Variants in ERBB4 observed in about 807,000 individuals in gnomAD.
ERBB4 encodes receptor tyrosine-protein kinase erbB-4.
A neutral mutation model predicts 158.0 loss-of-function variants in ERBB4; 42 were observed. The observed-to-expected ratio is 0.27, with a 90% CI of 0.21 to 0.34. ERBB4 has a LOEUF of 0.34. ERBB4 is among the 10% of genes least tolerant of loss of function. The pLI is 1.00. For synonymous variants in ERBB4, 583 were observed against 558.7 expected (o/e 1.04, Z -0.61); for missense variants, 1,333 against 1,624.1 (o/e 0.82, Z 3.08).
At chr2:212,433,518 T>C (rs1429218896) in intron 1 of ERBB4, among the ~76,000 whole-genome samples, 1 of 151,990 alleles carries the variant, frequency 6.6e-6, no homozygotes, top group African/African-American at 2.4e-5. Context: ...CATTTAAAAA[T>C]TGCCAAATTA....
intron 1 of ERBB4, among the ~76,000 whole-genome samples, chr2:212,538,131 T>C (rs1489343722): frequency 6.6e-6 from 1 of 151,570 alleles, no homozygotes; most frequent in Non-Finnish European, 1.5e-5. Flanking sequence ...GGGATTTGGG[T>C]CTCCCATGTC....
chr2:212,310,609 ATGTGTGTGTGTGTGTGTGTG>A (rs56209146), intron 1 of ERBB4, among the ~76,000 whole-genome samples: 1 of 143,390 alleles, frequency 7.0e-6, no homozygotes. Flanking sequence ...ATATATGTAT[ATGTGTGTGTGTGTGTGTGTG>A]TGTGTGTGTG....
intron 1 of ERBB4, among the ~76,000 whole-genome samples, chr2:212,449,309 G>T (rs1445415911): frequency 6.6e-6 from 1 of 152,020 alleles, no homozygotes; most frequent in Non-Finnish European, 1.5e-5. Flanking sequence ...TATTGCCAAC[G>T]ATAAGTATCA....
intron 1 of ERBB4, among the ~76,000 whole-genome samples, chr2:212,429,624 G>A (rs2091983398): frequency 6.6e-6 from 1 of 152,092 alleles, no homozygotes; most frequent in Non-Finnish European, 1.5e-5. Context: ...GTATTTTCAG[G>A]TAGGTCCTAT....
rs2125293837 is a variant in ERBB4, at chr2:211,377,648, A to T, written c.*5967T>A. On this transcript the variant is annotated 3_prime_UTR_variant, in exon 28 of 28. Coordinates refer to ENST00000342788, the MANE Select transcript of ERBB4 (RefSeq NM_005235.3). ...AAGACTCCTCATTTGGGAGAAAAAA[A>T]TTTACAGCAGCTACAAAATATTTAC... 1 of 232,486 alleles carries T rather than the reference A, an allele frequency of 4.3e-6. No homozygotes were observed. Among genetic ancestry groups the T allele is most frequent in the East Asian group, 6.1e-5 (1 of 16,444 alleles). 14.4% of individuals were successfully genotyped at this position (232,486 alleles called of 1,614,324 possible). A position where few individuals can be genotyped will look rare whatever the true frequency, so the allele number is the denominator to read the frequency against.
chr2:211,953,465 C>CAAAAAA (rs36024345), intron 2 of ERBB4, among the ~76,000 whole-genome samples: 65 of 85,210 alleles, frequency 7.6e-4, no homozygotes, highest in Middle Eastern at 6.9e-3. Flanking sequence ...GGTTTTTCTC[C>CAAAAAA]AAAAAAAAAA....
At chr2:211,601,428 T>G (rs1275005707) in intron 19 of ERBB4, among the ~76,000 whole-genome samples, 1 of 151,522 alleles carries the variant, frequency 6.6e-6, no homozygotes, top group African/African-American at 2.4e-5. Context: ...CTGAAAGACA[T>G]AAGTTTCCGG....
rs1040928163 is a variant in ERBB4, at chr2:212,408,619, A to T, written c.82+129830T>A. On this transcript the variant is annotated intron_variant, in intron 1 of 27. Transcript: ENST00000342788. The stretch of plus-strand genomic sequence containing the variant: ...GATCGCACCTGTGAATAGCCACTGC[A>T]CTCTAGCCTGGACGATACAGTGAGA... Among the ~76,000 whole-genome samples the T allele has an allele frequency of 3.3e-5, 5 of 151,986 alleles. No individual in the cohort carries two copies. In the South Asian group the frequency reaches 1.0e-3, roughly 32 times the overall value.
At chr2:212,211,644 G>C (rs935151375) in intron 1 of ERBB4, among the ~76,000 whole-genome samples, 12 of 144,710 alleles carry the variant, frequency 8.3e-5, no homozygotes, top group Admixed American at 1.4e-4. Flanking sequence ...TACATGTATA[G>C]AATGTGCAGG....
intron 20 of ERBB4, among the ~76,000 whole-genome samples, chr2:211,485,605 T>G (rs1233027104): frequency 1.3e-5 from 2 of 151,784 alleles, no homozygotes; most frequent in Admixed American, 1.3e-4. Context: ...CTGTTATACA[T>G]TATCTTATAT....
intron 1 of ERBB4, among the ~76,000 whole-genome samples, chr2:212,373,688 T>C (rs1349577030): frequency 6.8e-6 from 1 of 148,142 alleles, no homozygotes; most frequent in African/African-American, 2.5e-5. Context: ...CCAATGGAGA[T>C]ACATATATAT....
chr2:212,216,820 C>G (rs533668819), intron 1 of ERBB4, among the ~76,000 whole-genome samples: 2 of 151,454 alleles, frequency 1.3e-5, no homozygotes, highest in African/African-American at 4.8e-5. Context: ...ATTCTCAGCT[C>G]TCAACCGTAA....
intron 1 of ERBB4, among the ~76,000 whole-genome samples, chr2:212,256,019 G>GC (rs1233837141): frequency 3.1e-5 from 4 of 128,388 alleles, no homozygotes; most frequent in South Asian, 2.3e-4. Flanking sequence ...TTTACAAATG[G>GC]GGGGGGGTCT....
intron 1 of ERBB4, among the ~76,000 whole-genome samples, chr2:212,337,125 T>C (rs1221482862): frequency 6.6e-6 from 1 of 152,086 alleles, no homozygotes; most frequent in African/African-American, 2.4e-5. Flanking sequence ...TAGATTTGCT[T>C]AGATTTCTAT....
intron 1 of ERBB4, among the ~76,000 whole-genome samples, chr2:212,496,514 C>A (rs577432741): frequency 6.6e-6 from 1 of 152,196 alleles, no homozygotes; most frequent in South Asian, 2.1e-4. Context: ...ATCTGGCAAC[C>A]CAAAATTCTG....
chr2:211,573,273 T>G (rs1482930931), intron 19 of ERBB4, among the ~76,000 whole-genome samples: 1 of 152,168 alleles, frequency 6.6e-6, no homozygotes, highest in African/African-American at 2.4e-5. Flanking sequence ...CTAGAGCTTC[T>G]GGAGGGAATG....
At chr2:212,139,721 G>T (rs1458224087) in intron 1 of ERBB4, among the ~76,000 whole-genome samples, 2 of 151,790 alleles carry the variant, frequency 1.3e-5, no homozygotes. Flanking sequence ...TTTCTAGCAG[G>T]TAAATACAAT....
chr2:211,866,238 G>A (rs1414704725), intron 3 of ERBB4, among the ~76,000 whole-genome samples: 3 of 152,148 alleles, frequency 2.0e-5, no homozygotes, highest in African/African-American at 4.8e-5. Context: ...GCAACAGAGC[G>A]AGGCTCCATC....
chr2:212,326,006 A>G (rs2087811444), intron 1 of ERBB4, among the ~76,000 whole-genome samples: 1 of 150,614 alleles, frequency 6.6e-6, no homozygotes, highest in Admixed American at 6.6e-5. Context: ...CAAAGCTCCA[A>G]TAAGCCCTTA....
Sources: allele counts gnomAD v4.1 joint callset (sites outside exome capture counted in the v4.1 genomes callset), GRCh38; gene constraint gnomAD v4.1.1; transcripts MANE v1.5; gene names NCBI Gene and HGNC (gene_info 2026-07-23, HGNC 2026-07-21).